Variants in TUBB8 observed in about 807,000 individuals in gnomAD.
The protein encoded by TUBB8 is tubulin beta-8 chain.
In TUBB8, 25 loss-of-function variants were observed where a neutral mutation model predicts 33.7. The ratio of observed to expected loss-of-function variants is 0.74; its 90% CI spans 0.54 to 1.04. The LOEUF is 1.04. Ranked by LOEUF, TUBB8 falls within the 50% of genes least tolerant of loss-of-function variation. The pLI, the probability that TUBB8 is intolerant of heterozygous loss-of-function variation, is 0.00. For synonymous variants in TUBB8, 245 were observed against 240.1 expected (o/e 1.02, Z -0.19); for missense variants, 279 against 608.0 (o/e 0.46, Z 5.69).
chr10:68,357 C>CAATACAGATATGACACCTGA (rs1834697906), intron 1 of TUBB8, among the ~76,000 whole-genome samples: 1 of 152,118 alleles, frequency 6.6e-6, no homozygotes, highest in African/African-American at 2.4e-5. Flanking sequence ...ATGATGCACA[C>CAATACAGATATGACACCTGA]AATACAGATA....
chr10:63,995 C>T (rs1197382969), intron 1 of TUBB8, among the ~76,000 whole-genome samples: 5 of 152,126 alleles, frequency 3.3e-5, no homozygotes, highest in African/African-American at 4.8e-5. Context: ...GTAGCAAACA[C>T]GTAAAGGTAC....
intron 1 of TUBB8, among the ~76,000 whole-genome samples, chr10:59,437 C>T (rs533697005): frequency 2.5e-4 from 38 of 152,322 alleles, no homozygotes; most frequent in African/African-American, 8.7e-4. Flanking sequence ...GATCCACCTA[C>T]CTAGGCTTCC....
At chr10:54,194 C>A (rs1232625062), upstream of TUBB8, among the ~76,000 whole-genome samples, 22 of 152,256 alleles carry the variant, frequency 1.4e-4, no homozygotes, top group African/African-American at 5.3e-4. Context: ...TCCCCCACTG[C>A]CCTTCCCAGC....
At chr10:57,807 C>A (rs1381390129) in intron 1 of TUBB8, among the ~76,000 whole-genome samples, 2 of 124,022 alleles carry the variant, frequency 1.6e-5, no homozygotes, top group Non-Finnish European at 3.5e-5. Flanking sequence ...TGGCTATCAA[C>A]ACTTGCTTTT....
intron 1 of TUBB8, among the ~76,000 whole-genome samples, chr10:68,320 G>C (rs1438434728): frequency 6.6e-6 from 1 of 152,132 alleles, no homozygotes; most frequent in African/African-American, 2.4e-5. Context: ...ACACTCATAA[G>C]ACTGATGGGA....
intron 1 of TUBB8, among the ~76,000 whole-genome samples, chr10:62,609 T>A (rs1564210299): frequency 1.3e-5 from 2 of 152,262 alleles, no homozygotes; most frequent in Non-Finnish European, 2.9e-5. Context: ...GATGACTTCT[T>A]ATTGCTCATT....
At position 49,156 on chromosome 10, in the gene TUBB8, A is replaced by G. The variant is rs11251929; in HGVS notation, c.57+26T>C. 0.39 allele frequency: 613,609 copies of G among 1,555,154 alleles called. 125,988 individuals are homozygous for G. Among genetic ancestry groups the G allele is most frequent in the Middle Eastern group, 0.49 (2,144 of 4,404 alleles). On this transcript the variant is annotated intron_variant, in intron 1 of 3. Coordinates refer to ENST00000568584, the MANE Select transcript of TUBB8 (RefSeq NM_177987.3). ...CCCGGCCACCCGGCAGGCCCGGGCT[A>G]GGCCCTCAGAGCCCCGGCTGCCAAC... is the stretch of plus-strand genomic sequence containing the variant.
At chr10:76,355 C>G (rs1231756008), upstream of TUBB8, among the ~76,000 whole-genome samples, 3 of 152,112 alleles carry the variant, frequency 2.0e-5, no homozygotes, top group African/African-American at 7.2e-5. Flanking sequence ...CCGCCCAAGC[C>G]TCCATGAAGG....
At chr10:67,099 A>G (rs1554741701) in intron 1 of TUBB8, among the ~76,000 whole-genome samples, 1 of 151,998 alleles carries the variant, frequency 6.6e-6, no homozygotes, top group African/African-American at 2.4e-5. Context: ...GTTGCTTTAT[A>G]GTAGGATTTG....
At chr10:64,975 TAAAAAAA>T (rs61340461) in intron 1 of TUBB8, among the ~76,000 whole-genome samples, 1 of 118,562 alleles carries the variant, frequency 8.4e-6, no homozygotes, top group African/African-American at 3.0e-5. Flanking sequence ...CCATCTCCAC[TAAAAAAA>T]AAAAAAAAAA....
At chr10:67,938 T>A (rs1357546072) in intron 1 of TUBB8, among the ~76,000 whole-genome samples, 2 of 152,228 alleles carry the variant, frequency 1.3e-5, no homozygotes, top group Non-Finnish European at 2.9e-5. Flanking sequence ...ACCAGTTAAC[T>A]TTTTAATATT....
upstream of TUBB8, among the ~76,000 whole-genome samples, chr10:51,200 T>A (rs1554739537): frequency 1.3e-5 from 2 of 152,276 alleles, no homozygotes; most frequent in East Asian, 3.9e-4. Context: ...AACCTCTGAC[T>A]GCTGGGTTCA....
upstream of TUBB8, among the ~76,000 whole-genome samples, chr10:51,726 ATTC>A (rs1834470999): frequency 1.2e-5 from 1 of 86,610 alleles, no homozygotes; most frequent in Non-Finnish European, 3.6e-5. Context: ...TTTCATAAAT[ATTC>A]TCCTATTATC....
At chr10:49,027 G>C in intron 1 of TUBB8, 115 bp from the exon 2 acceptor site, 1 of 1,229,660 alleles carries the variant, frequency 8.1e-7, no homozygotes, top group Non-Finnish European at 1.1e-6. Context: ...CTGTCCCTGG[G>C]GTCCACCCCG....
At chr10:76,258 G>A (rs1488610153), upstream of TUBB8, among the ~76,000 whole-genome samples, 1 of 151,600 alleles carries the variant, frequency 6.6e-6, no homozygotes, top group African/African-American at 2.4e-5. Context: ...GCCTCTCCAC[G>A]TTCCTCCTCC....
chr10:60,733 C>A (rs1470088950), intron 1 of TUBB8, among the ~76,000 whole-genome samples: 1 of 152,146 alleles, frequency 6.6e-6, no homozygotes, highest in Non-Finnish European at 1.5e-5. Flanking sequence ...TGGGTATATA[C>A]CCAAAGGACT....
intron 1 of TUBB8, among the ~76,000 whole-genome samples, chr10:55,989 T>C (rs1327207046): frequency 6.6e-6 from 1 of 152,256 alleles, no homozygotes; most frequent in African/African-American, 2.4e-5. Flanking sequence ...GTTCCATATA[T>C]ATTTCAGATT....
At chr10:64,327 G>A (rs1321449447) in intron 1 of TUBB8, among the ~76,000 whole-genome samples, 4 of 118,094 alleles carry the variant, frequency 3.4e-5, no homozygotes, top group African/African-American at 1.3e-4. Context: ...CCTAGTCCTA[G>A]CCTTAGCCCT....
intron 1 of TUBB8, among the ~76,000 whole-genome samples, chr10:62,911 G>A (rs191864206): frequency 4.3e-4 from 65 of 152,226 alleles, no homozygotes; most frequent in African/African-American, 1.4e-3. Flanking sequence ...GCTGCTTTTA[G>A]AATCATTTCT....
Sources: gnomAD v4.1 joint callset for allele counts (sites outside exome capture counted in the v4.1 genomes callset) on GRCh38, gnomAD v4.1.1 for gene constraint, MANE v1.5 for transcripts, NCBI Gene and HGNC (gene_info 2026-07-23, HGNC 2026-07-21) for gene names.